The following KIF19 variants were observed in gnomAD, a reference collection of about 807,000 sequenced individuals.
The protein encoded by KIF19 is kinesin family member 19.
Under a neutral mutation model 106.6 loss-of-function variants are expected in KIF19, and 98 were observed. The observed-to-expected ratio is 0.92, with a 90% confidence interval of 0.78 to 1.09. KIF19 has a LOEUF of 1.09. Ranked by LOEUF, KIF19 falls within the 50% of genes least tolerant of loss-of-function variation. The pLI is 0.00. For missense variants in KIF19, 1,373 were observed against 1,414.3 expected (o/e 0.97, Z 0.47); for synonymous variants, 516 against 584.2 (o/e 0.88, Z 1.68).
At position 74,341,692 on chromosome 17, in the gene KIF19, G is replaced by A. The variant is rs1012252487; in HGVS notation, c.121-184G>A. ...CAGTGGGACCTGGGCCCTGGACTCC[G>A]GCCTCTGGCCCCTCCCATCTCTTGC... On this transcript the variant is annotated intron_variant, in intron 2 of 19. Coordinates refer to ENST00000389916, the MANE Select transcript of KIF19 (RefSeq NM_153209.4). Among the ~76,000 whole-genome samples, 110 of 152,274 alleles carry A rather than the reference G, an allele frequency of 7.2e-4. 1 individual carries two copies. Among genetic ancestry groups the A allele is most frequent in the Non-Finnish European group, 2.2e-4 (15 of 68,020 alleles).
At chr17:74,338,265 C>T (rs143560615) in intron 2 of KIF19, among the ~76,000 whole-genome samples, 2 of 152,346 alleles carry the variant, frequency 1.3e-5, no homozygotes, top group Non-Finnish European at 2.9e-5. Flanking sequence ...CATGGGGACC[C>T]ATACCGGGGA....
At chr17:74,349,640 C>T (rs952764297) in intron 10 of KIF19, among the ~76,000 whole-genome samples, 1 of 152,252 alleles carries the variant, frequency 6.6e-6, no homozygotes, top group African/African-American at 2.4e-5. Context: ...AGGGCGCACA[C>T]TAAGGGCTGT....
intron 2 of KIF19, among the ~76,000 whole-genome samples, chr17:74,332,201 TGTGTGTGTTTGTG>T (rs2054106135): frequency 1.4e-5 from 1 of 72,594 alleles, no homozygotes; most frequent in African/African-American, 5.9e-5. Flanking sequence ...TGTGTGTGTG[TGTGTGTGTTTGTG>T]TGTGTGTGTG....
At position 74,348,518 on chromosome 17, in the gene KIF19, A is replaced by G. The variant is rs143724754; in HGVS notation, c.1047+619A>G. Reference sequence around the variant, plus strand: ...TGTGTGGAGGAGTGGGAATGGATTCATGTATGATAGCATGTAGGGAACATT... The same window carrying G: ...TGTGTGGAGGAGTGGGAATGGATTCGTGTATGATAGCATGTAGGGAACATT... On this transcript the variant is annotated intron_variant, in intron 9 of 19. Coordinates refer to ENST00000389916, the MANE Select transcript of KIF19 (RefSeq NM_153209.4). 5.2e-3 allele frequency: 837 copies of G among 161,254 alleles called. 11 individuals carry two copies. Among genetic ancestry groups the G allele is most frequent in the African/African-American group, 0.019 (796 of 41,754 alleles). 10.0% of individuals were successfully genotyped at this position (161,254 alleles called of 1,614,324 possible). A position where few individuals can be genotyped will look rare whatever the true frequency, so the allele number is the denominator to read the frequency against.
Position 74,352,260 on chromosome 17 carries a change from G to T in KIF19, c.1900G>T (p.Glu634Ter). 1.2e-6 allele frequency: 2 copies of T among 1,613,146 alleles called. No homozygotes were observed. The highest frequency in any genetic ancestry group is 1.7e-6 in the Non-Finnish European group (2 of 1,179,792). Reference protein sequence around the residue: ...AVPQRLEELYEVYLRELEEGS... With the variant: ...AVPQRLEELY ...CCCGCAGCGCCTGGAAGAGCTCTAC[G>T]AAGTGTACCTGCGGGAGCTGGAGGA... Residue 634 changes from glutamate (E) to a stop codon, truncating the protein, a stop_gained, in exon 14 of 20, where the codon GAA becomes TAA. Transcript: ENST00000389916. LOFTEE classifies it high-confidence loss of function.
chr17:74,346,363 T>C lies in KIF19; in HGVS notation c.778-15T>C. On this transcript the variant is annotated splice_polypyrimidine_tract_variant and intron_variant, in intron 7 of 19. Transcript: ENST00000389916. This position sits in a 1 kb window ranked among gnomAD's most constrained non-coding sequence, Gnocchi z 4.6. ...CCTCATCAGGCCACACGTGTGCCCTTTGCTCGCCCCCTAGACACAGAATCG... is the reference window on the plus strand; with the variant it reads ...CCTCATCAGGCCACACGTGTGCCCTCTGCTCGCCCCCTAGACACAGAATCG... 1 of 1,566,108 alleles carries C rather than the reference T, an allele frequency of 6.4e-7. No homozygotes were observed. Among genetic ancestry groups the C allele is most frequent in the Non-Finnish European group, 8.7e-7 (1 of 1,155,474 alleles).
chr17:74,337,123 C>T (rs188155845), intron 2 of KIF19, among the ~76,000 whole-genome samples: 154 of 152,296 alleles, frequency 1.0e-3, no homozygotes, highest in African/African-American at 3.3e-3. Context: ...CATGAGCCAC[C>T]GTGCCCGGCA....
chr17:74,349,787 G>C (rs1199116386), intron 10 of KIF19, among the ~76,000 whole-genome samples: 1 of 143,882 alleles, frequency 7.0e-6, no homozygotes, highest in Non-Finnish European at 1.5e-5. Context: ...TAAAGAGAGA[G>C]GCAGACAGTA....
At chr17:74,347,684 G>C in intron 8 of KIF19, 93 bp from the exon 9 acceptor site, 1 of 1,437,538 alleles carries the variant, frequency 7.0e-7, no homozygotes, top group Non-Finnish European at 9.5e-7. Context: ...GAGACAGAGA[G>C]ATTGCACTCG....
intron 4 of KIF19, 45 bp from the exon 5 acceptor site, chr17:74,342,979 C>A: frequency 6.5e-7 from 1 of 1,538,336 alleles, no homozygotes; most frequent in Non-Finnish European, 8.8e-7. Context: ...GCAAGGCCTC[C>A]CTCCCAGCCC....
chr17:74,330,067 A>G (rs985397744), intron 2 of KIF19, among the ~76,000 whole-genome samples: 1 of 152,226 alleles, frequency 6.6e-6, no homozygotes, highest in African/African-American at 2.4e-5. Flanking sequence ...CAGTAGAGCC[A>G]TGGGTAGCAG....
intron 3 of KIF19, 108 bp downstream of exon 3, chr17:74,342,094 C>T: frequency 1.3e-6 from 1 of 750,482 alleles, no homozygotes; most frequent in Non-Finnish European, 2.3e-6. Context: ...GCCTCCACTC[C>T]ACCTGCTCAC....
rs1290713572 is a variant in KIF19, at chr17:74,354,383, G to A, written c.2530G>A (p.Asp844Asn). The A allele has an allele frequency of 1.2e-6, 2 of 1,610,072 alleles. No homozygotes were observed. Among genetic ancestry groups the A allele is most frequent in the Admixed American group, 3.4e-5 (2 of 59,688 alleles). The change falls in exon 18 of 20, where the codon GAC (aspartate) becomes AAC (asparagine). Residue 844 changes from aspartate to asparagine, a missense_variant. By Grantham distance (23) the Asp-to-Asn change is conservative. Coordinates refer to ENST00000389916, the MANE Select transcript of KIF19 (RefSeq NM_153209.4). ...CACACTACAGCATGCTGCCAGTGAG[G>A]ACAACCTGTCCAGCAGCACGGGCGA... The part of the protein sequence containing the change: ...SPTLQHAASE[D>N]NLSSSTGEAP...
chr17:74,349,728 G>C (rs2054641653), intron 10 of KIF19, among the ~76,000 whole-genome samples: 1 of 152,072 alleles, frequency 6.6e-6, no homozygotes, highest in African/African-American at 2.4e-5. Context: ...TTGCTATGAT[G>C]GTTTTCCAAC....
At chr17:74,341,503 G>A (rs9913405) in intron 2 of KIF19, among the ~76,000 whole-genome samples, 15,857 of 152,234 alleles carry the variant, frequency 0.1, 944 homozygotes, top group Admixed American at 0.14. Flanking sequence ...GGCATCACCT[G>A]TGTGTGCTCT....
Position 74,352,021 on chromosome 17 carries a change from C to A in KIF19, c.1742C>A (p.Ser581Ter). ...ELEVENTEMQ[S>*]HALLRDGALR... ...GAGGTGGAGAACACCGAGATGCAGT[C>A]GCACGCGCTGCTCCGCGACGGTGCG... is the stretch of plus-strand genomic sequence containing the variant. The change falls in exon 13 of 20, where the codon TCG becomes TAG. Residue 581 changes from serine to a stop codon, truncating the protein, a stop_gained. Transcript: ENST00000389916. LOFTEE classifies it high-confidence loss of function. 1 of 1,560,918 alleles carries A rather than the reference C, an allele frequency of 6.4e-7. No homozygotes were observed. Among genetic ancestry groups the A allele is most frequent in the South Asian group, 1.2e-5 (1 of 85,992 alleles).
At position 74,351,980 on chromosome 17, in the gene KIF19, C is replaced by T. The variant is rs779637881; in HGVS notation, c.1701C>T (p.Cys567=). ...EEQREVLSLL[C]RVHELEVENT... ...AGCGCGAGGTGCTCAGCCTGCTGTGCCGCGTGCACGAGCTCGAGGTGGAGA... is the reference window on the plus strand; with the variant it reads ...AGCGCGAGGTGCTCAGCCTGCTGTGTCGCGTGCACGAGCTCGAGGTGGAGA... Residue 567 remains cysteine (C), a synonymous_variant, in exon 13 of 20, where the codon TGC becomes TGT. Coordinates refer to ENST00000389916, the MANE Select transcript of KIF19 (RefSeq NM_153209.4). 6.2e-5 allele frequency: 95 copies of T among 1,535,280 alleles called. No homozygotes were observed. The East Asian group carries it at 2.3e-3, about 37-fold the overall frequency.
At chr17:74,330,920 C>T (rs1290451592) in intron 2 of KIF19, among the ~76,000 whole-genome samples, 3 of 152,140 alleles carry the variant, frequency 2.0e-5, no homozygotes. Flanking sequence ...TCCTTCTGTC[C>T]CCAGTGGGTT....
intron 2 of KIF19, among the ~76,000 whole-genome samples, chr17:74,332,218 G>GTGTGTGTGTT (rs1555619609): frequency 0.027 from 2,995 of 109,822 alleles, 29 homozygotes; most frequent in Middle Eastern, 0.045. Context: ...GTTTGTGTGT[G>GTGTGTGTGTT]TGTGTGTGTG....
Sources: gnomAD v4.1 joint callset for allele counts (sites outside exome capture counted in the v4.1 genomes callset) on GRCh38, gnomAD v4.1.1 for gene constraint, Gnocchi (gnomAD v3.1) non-coding constraint, MANE v1.5 for transcripts, NCBI Gene and HGNC (gene_info 2026-07-23, HGNC 2026-07-21) for gene names.